ROBO2: variants seen among roughly 807,000 people sequenced by gnomAD.
The protein encoded by ROBO2 is roundabout homolog 2.
ROBO2 carries 53 observed loss-of-function variants against 160.8 expected under a neutral mutation model. The ratio of observed to expected loss-of-function variants is 0.33; its 90% CI spans 0.26 to 0.41. The LOEUF is 0.41. Among genes scored for constraint, ROBO2 ranks in the 10% least tolerant of loss-of-function variants. The probability of loss-of-function intolerance (pLI) is 1.00; values close to 1 mark genes in which losing one functional copy is unlikely to be tolerated. For synonymous variants in ROBO2, 664 were observed against 611.7 expected (o/e 1.09, Z -1.26); for missense variants, 1,577 against 1,722.4 (o/e 0.92, Z 1.49).
intron 2 of ROBO2, among the ~76,000 whole-genome samples, chr3:77,231,472 T>G (rs2087203622): frequency 6.6e-6 from 1 of 151,936 alleles, no homozygotes. Context: ...GGACCCCTGA[T>G]GAGGTCCCCT....
intron 2 of ROBO2, among the ~76,000 whole-genome samples, chr3:76,469,965 A>G (rs1253997998): frequency 6.6e-6 from 1 of 152,182 alleles, no homozygotes; most frequent in East Asian, 1.9e-4. Flanking sequence ...AGGAAGAAGT[A>G]AAATATACTA....
intron 2 of ROBO2, among the ~76,000 whole-genome samples, chr3:75,974,756 A>G (rs1301811903): frequency 6.6e-6 from 1 of 151,494 alleles, no homozygotes; most frequent in East Asian, 2.0e-4. Flanking sequence ...AAATTTCCAT[A>G]TTGCACAATA....
intron 2 of ROBO2, among the ~76,000 whole-genome samples, chr3:76,580,137 G>T (rs983349026): frequency 1.3e-5 from 2 of 152,040 alleles, no homozygotes; most frequent in Non-Finnish European, 2.9e-5. Context: ...TCCCTTGGGG[G>T]CTGTTATATC....
intron 2 of ROBO2, among the ~76,000 whole-genome samples, chr3:76,447,689 A>G (rs2077260484): frequency 6.6e-6 from 1 of 151,576 alleles, no homozygotes; most frequent in African/African-American, 2.4e-5. Context: ...TGGCACATAT[A>G]CACCATGGAA....
intron 2 of ROBO2, among the ~76,000 whole-genome samples, chr3:76,070,890 TTCTTTGAGAG>T (rs1477433285): frequency 6.6e-6 from 1 of 152,196 alleles, no homozygotes; most frequent in Non-Finnish European, 1.5e-5. Flanking sequence ...GAATTTGCGA[TTCTTTGAGAG>T]TCTTAATGTC....
chr3:76,794,088 G>A (rs2063537681), intron 2 of ROBO2, among the ~76,000 whole-genome samples: 1 of 151,774 alleles, frequency 6.6e-6, no homozygotes, highest in Admixed American at 6.6e-5. Context: ...TTGTAATGAT[G>A]CTTAAACAGC....
At chr3:77,403,573 A>AGTGTGT (rs57545425) in intron 2 of ROBO2, among the ~76,000 whole-genome samples, 162 of 129,454 alleles carry the variant, frequency 1.3e-3, no homozygotes, top group South Asian at 1.6e-3. Context: ...TAGTTATTTC[A>AGTGTGT]GTGTGTGTGT....
chr3:76,864,690 T>A (rs775779728), intron 2 of ROBO2, among the ~76,000 whole-genome samples: 1 of 152,078 alleles, frequency 6.6e-6, no homozygotes, highest in Non-Finnish European at 1.5e-5. Flanking sequence ...TGATAGCAAT[T>A]TGTGTTTAAA....
At chr3:76,876,774 G>A (rs1466131310) in intron 2 of ROBO2, among the ~76,000 whole-genome samples, 2 of 152,022 alleles carry the variant, frequency 1.3e-5, no homozygotes, top group Non-Finnish European at 2.9e-5. Flanking sequence ...TAATGCACAA[G>A]TGTTTAACAA....
chr3:77,172,857 A>G (rs551667157), intron 2 of ROBO2, among the ~76,000 whole-genome samples: 4 of 152,350 alleles, frequency 2.6e-5, no homozygotes, highest in Admixed American at 6.5e-5. Context: ...GGCAGGGCCC[A>G]GGCCCTCTGG....
At chr3:75,979,057 C>T (rs2065207709) in intron 2 of ROBO2, among the ~76,000 whole-genome samples, 2 of 151,508 alleles carry the variant, frequency 1.3e-5, no homozygotes, top group Admixed American at 1.3e-4. Flanking sequence ...CAGCTGAAAA[C>T]CGATGCATAT....
intron 2 of ROBO2, among the ~76,000 whole-genome samples, chr3:76,523,734 C>A (rs1442768202): frequency 6.6e-6 from 1 of 151,966 alleles, no homozygotes; most frequent in Non-Finnish European, 1.5e-5. Context: ...TACTGAATAA[C>A]AACTTAATAG....
chr3:76,014,633 A>G (rs533127890), intron 2 of ROBO2, among the ~76,000 whole-genome samples: 2 of 152,206 alleles, frequency 1.3e-5, no homozygotes, highest in Admixed American at 1.3e-4. Context: ...TAATATGTAT[A>G]AAGGCTATTG....
chr3:77,067,620 G>T (rs896095773), intron 1 of ROBO2, among the ~76,000 whole-genome samples: 3 of 152,170 alleles, frequency 2.0e-5, no homozygotes, highest in Non-Finnish European at 4.4e-5. Context: ...CACCGTGCTT[G>T]ATATAGACTC....
rs901357945 is a variant in ROBO2, at chr3:77,205,332, G to GT, written c.388+106993dup. Among the ~76,000 whole-genome samples the GT allele has an allele frequency of 3.0e-4, 46 of 152,004 alleles. 1 individual carries two copies. The highest frequency in any genetic ancestry group is 1.1e-3 in the African/African-American group (46 of 41,412). ...GATGATCCTCCCCTAAAGTTTGGCTGTCCAGCGGCCAAACTCCTCTCTGAG... is the reference window on the plus strand; with the variant it reads ...GATGATCCTCCCCTAAAGTTTGGCTGTTCCAGCGGCCAAACTCCTCTCTGAG... On this transcript the variant is annotated intron_variant, in intron 2 of 25. Coordinates refer to ENST00000461745, the Ensembl canonical transcript of ROBO2.
intron 2 of ROBO2, among the ~76,000 whole-genome samples, chr3:76,347,832 A>T (rs1016624521): frequency 2.0e-5 from 3 of 152,126 alleles, no homozygotes; most frequent in African/African-American, 7.2e-5. Context: ...TTTTTCCACA[A>T]GTGGCCCCAA....
chr3:76,559,297 G>A (rs1051672140), intron 2 of ROBO2, among the ~76,000 whole-genome samples: 4 of 152,106 alleles, frequency 2.6e-5, no homozygotes, highest in Non-Finnish European at 5.9e-5. Flanking sequence ...ATAGATTTGG[G>A]TTCAATATAA....
At chr3:76,854,019 TCTCTCTCTC>T (rs1428945832) in intron 2 of ROBO2, among the ~76,000 whole-genome samples, 6 of 1,852 alleles carry the variant, frequency 3.2e-3, no homozygotes, top group Admixed American at 9.5e-3. Flanking sequence ...GCATAGACTT[TCTCTCTCTC>T]TCTCTCTCTC....
intron 5 of ROBO2, among the ~76,000 whole-genome samples, chr3:77,506,983 A>G (rs1254349233): frequency 6.6e-6 from 1 of 152,128 alleles, no homozygotes; most frequent in Non-Finnish European, 1.5e-5. Flanking sequence ...TTTGAGATGA[A>G]TGTATATTTT....
Sources: gnomAD v4.1 joint callset for allele counts (sites outside exome capture counted in the v4.1 genomes callset) on GRCh38, gnomAD v4.1.1 for gene constraint, MANE v1.5 for transcripts, NCBI Gene and HGNC (gene_info 2026-07-23, HGNC 2026-07-21) for gene names.